GMEB1: variants seen among roughly 807,000 people sequenced by gnomAD.
GMEB1 encodes the protein glucocorticoid modulatory element binding protein 1, also known as glucocorticoid modulatory element-binding protein 1.
GMEB1 carries 6 observed loss-of-function variants against 52.4 expected under a neutral mutation model. The observed-to-expected ratio is 0.11, with a 90% CI of 0.06 to 0.23. The LOEUF is 0.23. GMEB1 is among the 10% of genes least tolerant of loss of function. The pLI, the probability that GMEB1 is intolerant of heterozygous loss-of-function variation, is 1.00. For synonymous variants in GMEB1, 255 were observed against 244.9 expected (o/e 1.04, Z -0.38); for missense variants, 486 against 685.6 (o/e 0.71, Z 3.25).
At position 28,702,430 on chromosome 1, in the gene GMEB1, G is replaced by T. The variant is rs1338531122; in HGVS notation, c.599-8G>T. 1 of 1,612,838 alleles carries T rather than the reference G, an allele frequency of 6.2e-7. No individual in the cohort carries two copies. The highest frequency in any genetic ancestry group is 8.5e-7 in the Non-Finnish European group (1 of 1,179,104). On this transcript the variant is annotated splice_polypyrimidine_tract_variant and splice_region_variant and intron_variant, in intron 6 of 9. Coordinates refer to ENST00000373816, the MANE Select transcript of GMEB1 (RefSeq NM_001319674.2). ...TCACTGTTCTCACCTCTACTGGACT[G>T]TTTTTAGGTAGCATCACGCAGATTG...
intron 5 of GMEB1, among the ~76,000 whole-genome samples, chr1:28,693,952 G>A (rs1379041353): frequency 6.6e-6 from 1 of 151,820 alleles, no homozygotes; most frequent in Non-Finnish European, 1.5e-5. Context: ...ATAGTCAAAA[G>A]ACTTCTAAAG....
At chr1:28,685,954 G>A (rs1669621385) in intron 2 of GMEB1, among the ~76,000 whole-genome samples, 1 of 152,240 alleles carries the variant, frequency 6.6e-6, no homozygotes, top group South Asian at 2.1e-4. Context: ...GAGAGACTCC[G>A]TCTCAAAACA....
At chr1:28,679,266 C>T (rs1043339103) in intron 1 of GMEB1, among the ~76,000 whole-genome samples, 4 of 152,034 alleles carry the variant, frequency 2.6e-5, no homozygotes, top group Non-Finnish European at 5.9e-5. Context: ...CAACCTCCAC[C>T]TCCTGGGTTC....
Position 28,710,500 on chromosome 1 carries a change from A to G in GMEB1, c.869-20A>G, listed in dbSNP as rs772940436. 1 of 1,580,912 alleles carries G rather than the reference A, an allele frequency of 6.3e-7. No homozygotes were observed. Among genetic ancestry groups the G allele is most frequent in the Non-Finnish European group, 8.6e-7 (1 of 1,165,434 alleles). On this transcript the variant is annotated intron_variant, in intron 8 of 9. Transcript: ENST00000373816. ...ACATATCTGTTTTAACTGGACAGGC[A>G]TGTCTTTTGTTTTAAATAGATGCTG...
chr1:28,671,039 C>G (rs1476958732), intron 1 of GMEB1, among the ~76,000 whole-genome samples: 1 of 152,126 alleles, frequency 6.6e-6, no homozygotes, highest in Non-Finnish European at 1.5e-5. Context: ...ACATAATAGT[C>G]TCCAGTCTGT....
intron 1 of GMEB1, among the ~76,000 whole-genome samples, chr1:28,682,552 G>A (rs1669438773): frequency 6.7e-6 from 1 of 150,162 alleles, no homozygotes; most frequent in South Asian, 2.1e-4. Flanking sequence ...AGCTTGGGAG[G>A]CAGATGTTGC....
At chr1:28,685,344 G>T (rs1157949124) in intron 2 of GMEB1, among the ~76,000 whole-genome samples, 1 of 151,898 alleles carries the variant, frequency 6.6e-6, no homozygotes, top group Non-Finnish European at 1.5e-5. Context: ...CAAGCAGCTG[G>T]CACTACAGGC....
intron 3 of GMEB1, among the ~76,000 whole-genome samples, chr1:28,690,775 G>A (rs1244076681): frequency 6.6e-6 from 1 of 152,088 alleles, no homozygotes; most frequent in East Asian, 1.9e-4. Flanking sequence ...GAGGTCAGGA[G>A]TTTGAGACCA....
chr1:28,670,742 G>A (rs1001628853), intron 1 of GMEB1, among the ~76,000 whole-genome samples: 2 of 152,136 alleles, frequency 1.3e-5, no homozygotes, highest in Non-Finnish European at 2.9e-5. Flanking sequence ...TAAAGTGCTG[G>A]TATTACAGGC....
At chr1:28,713,707 TG>T (rs535014607) in intron 9 of GMEB1, among the ~76,000 whole-genome samples, 25 of 152,322 alleles carry the variant, frequency 1.6e-4, no homozygotes, top group African/African-American at 5.8e-4. Context: ...CACTGTTTTT[TG>T]GAGTGGCCAT....
upstream of GMEB1, among the ~76,000 whole-genome samples, chr1:28,668,279 C>A (rs1476442356): frequency 6.6e-6 from 1 of 151,780 alleles, no homozygotes; most frequent in African/African-American, 2.4e-5. Context: ...AACTCACAAG[C>A]AGGAAAAACT....
chr1:28,670,768 C>T (rs1449265432), intron 1 of GMEB1, among the ~76,000 whole-genome samples: 1 of 151,988 alleles, frequency 6.6e-6, no homozygotes, highest in African/African-American at 2.4e-5. Flanking sequence ...CCACTGCGCC[C>T]GGCGGGGGAA....
At chr1:28,688,577 G>T (rs1373023197) in intron 2 of GMEB1, among the ~76,000 whole-genome samples, 1 of 152,058 alleles carries the variant, frequency 6.6e-6, no homozygotes, top group Non-Finnish European at 1.5e-5. Flanking sequence ...TCTCTAAGTG[G>T]TGCCTCTAGT....
At chr1:28,678,000 A>T (rs1669230898) in intron 1 of GMEB1, among the ~76,000 whole-genome samples, 1 of 152,036 alleles carries the variant, frequency 6.6e-6, no homozygotes, top group Non-Finnish European at 1.5e-5. Context: ...CCTGGCCAAC[A>T]TGGTGAACTC....
intron 6 of GMEB1, among the ~76,000 whole-genome samples, chr1:28,699,962 C>G (rs1670413846): frequency 6.7e-6 from 1 of 148,466 alleles, no homozygotes; most frequent in African/African-American, 2.5e-5. Flanking sequence ...GTGGTCCCAG[C>G]TACTAAGGAG....
intron 8 of GMEB1, among the ~76,000 whole-genome samples, chr1:28,705,094 A>C (rs1332620336): frequency 6.6e-6 from 1 of 151,274 alleles, no homozygotes; most frequent in East Asian, 1.9e-4. Context: ...AAAAAAAAAA[A>C]AAAAAAAACA....
chr1:28,710,124 G>C (rs1670978311), intron 8 of GMEB1, among the ~76,000 whole-genome samples: 1 of 151,998 alleles, frequency 6.6e-6, no homozygotes, highest in Non-Finnish European at 1.5e-5. Context: ...TCCAGCCTGG[G>C]GGACAGAGCA....
At chr1:28,701,547 C>T (rs539511410) in intron 6 of GMEB1, among the ~76,000 whole-genome samples, 4 of 151,952 alleles carry the variant, frequency 2.6e-5, no homozygotes, top group Non-Finnish European at 2.9e-5. Flanking sequence ...GGATTACAGG[C>T]GTGAGCCACT....
At chr1:28,713,765 C>T (rs1179799006) in intron 9 of GMEB1, among the ~76,000 whole-genome samples, 1 of 152,148 alleles carries the variant, frequency 6.6e-6, no homozygotes, top group Non-Finnish European at 1.5e-5. Flanking sequence ...ACTGTGCCAG[C>T]TGGGTGCACT....
Sources: gnomAD v4.1 joint callset for allele counts (sites outside exome capture counted in the v4.1 genomes callset) on GRCh38, gnomAD v4.1.1 for gene constraint, MANE v1.5 for transcripts, NCBI Gene and HGNC (gene_info 2026-07-23, HGNC 2026-07-21) for gene names.